Variants in TECRL observed in about 807,000 individuals in gnomAD.
The protein encoded by TECRL is trans-2,3-enoyl-CoA reductase-like.
Under a neutral mutation model 52.8 loss-of-function variants are expected in TECRL, and 63 were observed. The observed-to-expected ratio is 1.19, with a 90% CI of 0.97 to 1.47. The LOEUF (loss-of-function observed/expected upper bound fraction) is 1.47. TECRL is among the 40% of genes most tolerant of loss of function. The pLI, the probability that TECRL is intolerant of heterozygous loss-of-function variation, is 0.00. For synonymous variants in TECRL, 164 were observed against 141.9 expected (o/e 1.16, Z -1.10); for missense variants, 482 against 429.6 (o/e 1.12, Z -1.08).
intron 3 of TECRL, among the ~76,000 whole-genome samples, chr4:64,326,386 T>G (rs2110039903): frequency 6.6e-6 from 1 of 152,264 alleles, no homozygotes; most frequent in African/African-American, 2.4e-5. Context: ...GCTGAAATTC[T>G]TCCCCATATG....
chr4:64,321,576 A>G (rs1717904898), intron 4 of TECRL, among the ~76,000 whole-genome samples: 1 of 152,176 alleles, frequency 6.6e-6, no homozygotes, highest in Non-Finnish European at 1.5e-5. Flanking sequence ...TTAATTTTTC[A>G]CTGCCTCTGT....
intron 2 of TECRL, among the ~76,000 whole-genome samples, chr4:64,354,763 A>G (rs1013930345): frequency 2.0e-5 from 3 of 152,210 alleles, no homozygotes; most frequent in African/African-American, 7.2e-5. Flanking sequence ...GATAAATCTG[A>G]AGAAGGAAAC....
rs181969081 is a variant in TECRL at position 64,371,977 on chromosome 4, T to C, written c.286+3195A>G. 3.6e-3 allele frequency among the ~76,000 whole-genome samples: 541 copies of C among 151,916 alleles called. 2 individuals carry two copies. Among genetic ancestry groups the C allele is most frequent in the Middle Eastern group, 0.017 (5 of 294 alleles). ...AATAAATAATAGAGACACACAGTAGTTTTTAAAATATCTTTAAAATGTTAA... is the reference window on the plus strand; with the variant it reads ...AATAAATAATAGAGACACACAGTAGCTTTTAAAATATCTTTAAAATGTTAA... On this transcript the variant is annotated intron_variant, in intron 2 of 11. Transcript: ENST00000381210.
At chr4:64,288,015 G>A (rs1049261430) in intron 9 of TECRL, among the ~76,000 whole-genome samples, 3 of 151,914 alleles carry the variant, frequency 2.0e-5, no homozygotes, top group Admixed American at 1.3e-4. Context: ...GCATGGTGGT[G>A]TGCACCTGTA....
intron 5 of TECRL, among the ~76,000 whole-genome samples, chr4:64,310,360 G>C (rs1433045281): frequency 6.6e-6 from 1 of 152,118 alleles, no homozygotes; most frequent in Non-Finnish European, 1.5e-5. Context: ...TTAATTGTCT[G>C]GTTGTCCTTT....
At chr4:64,359,717 A>T (rs1020269758) in intron 2 of TECRL, among the ~76,000 whole-genome samples, 8 of 152,104 alleles carry the variant, frequency 5.3e-5, no homozygotes, top group African/African-American at 1.7e-4. Context: ...TTGACTGGCA[A>T]AATGGCTCTC....
chr4:64,329,988 T>A (rs1452440932), intron 2 of TECRL, among the ~76,000 whole-genome samples: 3 of 151,818 alleles, frequency 2.0e-5, no homozygotes, highest in East Asian at 3.9e-4. Flanking sequence ...CTGTACTATT[T>A]ACTGTACAGT....
chr4:64,348,838 T>C (rs1720174297), intron 2 of TECRL, among the ~76,000 whole-genome samples: 1 of 152,136 alleles, frequency 6.6e-6, no homozygotes, highest in Non-Finnish European at 1.5e-5. Context: ...CCTGAGAAAG[T>C]GATGTTGTAG....
At chr4:64,299,187 AG>A (rs1723862750) in intron 8 of TECRL, 1 of 151,232 alleles carries the variant, frequency 6.6e-6, no homozygotes, top group South Asian at 2.1e-4. Flanking sequence ...ATATGTAGAG[AG>A]AGAGGAAGCA....
At chr4:64,369,066 G>C (rs1430121955) in intron 2 of TECRL, among the ~76,000 whole-genome samples, 1 of 152,078 alleles carries the variant, frequency 6.6e-6, no homozygotes, top group Non-Finnish European at 1.5e-5. Flanking sequence ...TAGTCTGATA[G>C]ATAATAAACA....
chr4:64,339,540 G>T (rs190334747), intron 2 of TECRL, among the ~76,000 whole-genome samples: 9 of 151,562 alleles, frequency 5.9e-5, no homozygotes, highest in Admixed American at 1.3e-4. Flanking sequence ...TCTTCTAATT[G>T]CTATGTCTAA....
At chr4:64,368,002 C>T (rs980451025) in intron 2 of TECRL, among the ~76,000 whole-genome samples, 4 of 152,016 alleles carry the variant, frequency 2.6e-5, no homozygotes, top group Middle Eastern at 6.8e-3. Flanking sequence ...TTTTATTAAC[C>T]TGGTAGTGTT....
chr4:64,362,666 AC>A (rs1483774237), intron 2 of TECRL, among the ~76,000 whole-genome samples: 4 of 152,130 alleles, frequency 2.6e-5, no homozygotes, highest in African/African-American at 9.6e-5. Flanking sequence ...ATTTCTTACC[AC>A]CAGACTGCCT....
chr4:64,339,441 TA>T (rs1252708751), intron 2 of TECRL, among the ~76,000 whole-genome samples: 1 of 150,800 alleles, frequency 6.6e-6, no homozygotes, highest in Non-Finnish European at 1.5e-5. Context: ...TAAAGTATAA[TA>T]AAAATATATA....
intron 8 of TECRL, among the ~76,000 whole-genome samples, chr4:64,294,408 T>G (rs1018920212): frequency 6.6e-5 from 10 of 152,174 alleles, no homozygotes; most frequent in African/African-American, 2.2e-4. Context: ...ATCTTTTTCC[T>G]TTGCCAAACA....
At chr4:64,400,932 A>G (rs1401280234) in intron 1 of TECRL, among the ~76,000 whole-genome samples, 1 of 152,180 alleles carries the variant, frequency 6.6e-6, no homozygotes, top group East Asian at 1.9e-4. Flanking sequence ...GAATGGCCCA[A>G]TGCAACAAAT....
intron 1 of TECRL, among the ~76,000 whole-genome samples, chr4:64,406,965 A>G (rs1724770379): frequency 6.6e-6 from 1 of 151,550 alleles, no homozygotes; most frequent in Admixed American, 6.6e-5. Context: ...TAATAAATAA[A>G]TCAGTCTTTT....
At chr4:64,341,368 G>T (rs1411771981) in intron 2 of TECRL, among the ~76,000 whole-genome samples, 1 of 152,086 alleles carries the variant, frequency 6.6e-6, no homozygotes, top group Non-Finnish European at 1.5e-5. Flanking sequence ...TGGGAGGTTG[G>T]GGTGTGTGGA....
At position 64,395,239 on chromosome 4, in the gene TECRL, C is replaced by A. The variant is rs190112246; in HGVS notation, c.234+13879G>T. On this transcript the variant is annotated intron_variant, in intron 1 of 11. Coordinates refer to ENST00000381210, the MANE Select transcript of TECRL (RefSeq NM_001010874.5). Reference sequence around the variant, plus strand: ...CCAGCCAAACGTGAATTTTTTTAAGCCCTGTAAATTATGTATTTTACCCAA... The same window carrying A: ...CCAGCCAAACGTGAATTTTTTTAAGACCTGTAAATTATGTATTTTACCCAA... 9.9e-4 allele frequency among the ~76,000 whole-genome samples: 151 copies of A among 151,940 alleles called. 1 individual carries two copies. Among genetic ancestry groups the A allele is most frequent in the African/African-American group, 3.5e-3 (146 of 41,432 alleles).
Sources: allele counts gnomAD v4.1 joint callset (sites outside exome capture counted in the v4.1 genomes callset), GRCh38; gene constraint gnomAD v4.1.1; transcripts MANE v1.5; gene names NCBI Gene and HGNC (gene_info 2026-07-23, HGNC 2026-07-21).